The following SELENOI variants were observed in gnomAD, a reference collection of about 807,000 sequenced individuals.
SELENOI encodes the protein ethanolaminephosphotransferase 1.
SELENOI carries 24 observed loss-of-function variants against 50.7 expected under a neutral mutation model. The ratio of observed to expected loss-of-function variants is 0.47; its 90% CI spans 0.34 to 0.67. The LOEUF is 0.67. SELENOI is among the 30% of genes least tolerant of loss of function. SELENOI has a pLI of 0.01. For missense variants in SELENOI, 352 were observed against 461.4 expected, an observed-to-expected ratio of 0.76 and a Z score of 2.17; for synonymous variants, 155 against 170.2, an observed-to-expected ratio of 0.91 and a Z score of 0.70.
At chr2:26,350,278 G>A (rs987932754) in intron 1 of SELENOI, among the ~76,000 whole-genome samples, 2 of 152,104 alleles carry the variant, frequency 1.3e-5, no homozygotes, top group Non-Finnish European at 2.9e-5. Flanking sequence ...GATTGTGTTT[G>A]CATCTTAATG....
intron 6 of SELENOI, among the ~76,000 whole-genome samples, chr2:26,379,927 G>A (rs1331298868): frequency 6.6e-6 from 1 of 152,126 alleles, no homozygotes; most frequent in Non-Finnish European, 1.5e-5. Flanking sequence ...TCCGAATACA[G>A]TACCTAAATC....
At chr2:26,354,456 G>A (rs762304706) in intron 1 of SELENOI, among the ~76,000 whole-genome samples, 10 of 151,980 alleles carry the variant, frequency 6.6e-5, no homozygotes, top group Non-Finnish European at 1.3e-4. Context: ...GTGCGATCTC[G>A]GCTCACTGCA....
At chr2:26,354,348 A>C (rs2147944614) in intron 1 of SELENOI, among the ~76,000 whole-genome samples, 1 of 152,230 alleles carries the variant, frequency 6.6e-6, no homozygotes. Context: ...GTGAAATATA[A>C]ACTCTGCCTT....
chr2:26,346,273 G>C lies in SELENOI; in HGVS notation c.41G>C (p.Gly14Ala). 6.2e-7 allele frequency: 1 copy of C among 1,613,546 alleles called. No homozygotes were observed. The highest frequency in any genetic ancestry group is 8.5e-7 in the Non-Finnish European group (1 of 1,179,578). ...YEYVSPEQLAGFDKYKYSAVD... is the reference protein window; with the variant it reads ...YEYVSPEQLAAFDKYKYSAVD... Reference sequence around the variant, plus strand: ...TACGTGAGCCCGGAGCAGCTGGCTGGCTTTGATAAGTACAAGGTACCGCGG... The same window carrying C: ...TACGTGAGCCCGGAGCAGCTGGCTGCCTTTGATAAGTACAAGGTACCGCGG... The change falls in exon 1 of 10, where the codon GGC (glycine) becomes GCC (alanine). Residue 14 changes from glycine to alanine, a missense_variant. Coordinates refer to ENST00000260585, the MANE Select transcript of SELENOI (RefSeq NM_033505.4).
At chr2:26,361,175 C>T (rs544697861) in intron 1 of SELENOI, among the ~76,000 whole-genome samples, 5 of 152,302 alleles carry the variant, frequency 3.3e-5, no homozygotes, top group African/African-American at 7.2e-5. Flanking sequence ...GATCGCGCCA[C>T]TGCACTCCAG....
intron 7 of SELENOI, 45 bp from the exon 8 acceptor site, chr2:26,384,914 T>C (rs1233463522): frequency 7.1e-7 from 1 of 1,406,726 alleles, no homozygotes; most frequent in Non-Finnish European, 9.8e-7. Flanking sequence ...ACTGTACAAT[T>C]TATATGTAAT....
intron 5 of SELENOI, among the ~76,000 whole-genome samples, chr2:26,374,813 G>A (rs1677532059): frequency 6.6e-6 from 1 of 151,998 alleles, no homozygotes; most frequent in African/African-American, 2.4e-5. Context: ...CAGGTGATCT[G>A]CCCGTCTTGG....
At chr2:26,373,265 G>C (rs1270100248) in intron 4 of SELENOI, 102 bp from the exon 5 acceptor site, 10 of 1,357,704 alleles carry the variant, frequency 7.4e-6, no homozygotes, top group Non-Finnish European at 1.0e-5. Flanking sequence ...ACATTCCTGT[G>C]ATAAGCTGAT....
intron 3 of SELENOI, among the ~76,000 whole-genome samples, chr2:26,366,089 C>T (rs1003638712): frequency 4.6e-5 from 7 of 152,160 alleles, no homozygotes; most frequent in Non-Finnish European, 8.8e-5. Flanking sequence ...GTGTGAGCCA[C>T]TGCACCTGGC....
At chr2:26,374,372 G>A (rs943893853) in intron 5 of SELENOI, among the ~76,000 whole-genome samples, 3 of 151,950 alleles carry the variant, frequency 2.0e-5, no homozygotes, top group Admixed American at 2.0e-4. Flanking sequence ...TTGCCATTTT[G>A]CCCATTTGCA....
At position 26,379,701 on chromosome 2, in the gene SELENOI, T is replaced by TCA. The variant is rs1677643785; in HGVS notation, c.683-3597_683-3596dup. On this transcript the variant is annotated intron_variant, in intron 6 of 9. Coordinates refer to ENST00000260585, the MANE Select transcript of SELENOI (RefSeq NM_033505.4). ...ACATTGATTAACATGGCTTAGGAAT[T>TCA]CATTCATTCAGTGGATAGGTAAGGA... Among the ~76,000 whole-genome samples, 3 of 152,202 alleles carry TCA rather than the reference T, an allele frequency of 2.0e-5. No individual in the cohort carries two copies. The South Asian group carries it at 6.2e-4, about 32-fold the overall frequency.
Position 26,367,236 on chromosome 2 carries a change from ATACT to A in SELENOI, c.310+21_310+24del, listed in dbSNP as rs1291975158. ...TACACTCTAGGTAAGGAATTGGTAA[ATACT>A]TACTATAGTCAGTGACTGGTGAATC... On this transcript the variant is annotated intron_variant, in intron 4 of 9. Transcript: ENST00000260585. 7 of 1,587,292 alleles carry A rather than the reference ATACT, an allele frequency of 4.4e-6. No homozygotes were observed. Among genetic ancestry groups the A allele is most frequent in the Non-Finnish European group, 6.0e-6 (7 of 1,162,404 alleles).
chr2:26,346,311 C>G (rs765049154), intron 1 of SELENOI, 22 bp downstream of exon 1: 1 of 1,601,268 alleles, frequency 6.2e-7, no homozygotes, highest in East Asian at 2.3e-5. Flanking sequence ...CGGCGGATGC[C>G]CCTCTCCCTG....
chr2:26,378,829 A>G (rs2147958973), intron 6 of SELENOI, among the ~76,000 whole-genome samples: 1 of 152,300 alleles, frequency 6.6e-6, no homozygotes, highest in East Asian at 1.9e-4. Context: ...AGATTATTTT[A>G]AAGCAAATCC....
At chr2:26,355,889 C>T (rs536937073) in intron 1 of SELENOI, among the ~76,000 whole-genome samples, 1 of 151,714 alleles carries the variant, frequency 6.6e-6, no homozygotes, top group South Asian at 2.1e-4. Flanking sequence ...TACAGTCATA[C>T]GCCACCACAC....
At chr2:26,368,404 C>T (rs1371038861) in intron 4 of SELENOI, among the ~76,000 whole-genome samples, 2 of 152,188 alleles carry the variant, frequency 1.3e-5, no homozygotes, top group African/African-American at 2.4e-5. Context: ...GACAACACGC[C>T]GTAAGATCCT....
In SELENOI at chr2:26,389,024, A is replaced by G. The variant is rs1201889851; in HGVS notation, c.1115A>G (p.His372Arg). The G allele has an allele frequency of 1.9e-6, 3 of 1,588,258 alleles. No homozygotes were observed. Among genetic ancestry groups the G allele is most frequent in the Non-Finnish European group, 2.6e-6 (3 of 1,165,910 alleles). ...TCATAGGTAAAGCAGCTGAGCAGCC[A>G]TTTTCAGATTTACCCCTTCTCATTG... ...GVRVVKQLSS[H>R]FQIYPFSLRK... The change falls in exon 10 of 10, where the codon CAT becomes CGT. Residue 372 changes from histidine (H) to arginine (R), a missense_variant. Physicochemically the swap from His to Arg is conservative, Grantham distance 29. Transcript: ENST00000260585.
intron 1 of SELENOI, among the ~76,000 whole-genome samples, chr2:26,356,504 A>G (rs750791240): frequency 6.6e-6 from 1 of 152,188 alleles, no homozygotes; most frequent in African/African-American, 2.4e-5. Context: ...AGTTTTCCTT[A>G]TGTTAGAGCC....
At chr2:26,381,954 T>C (rs1677715120) in intron 6 of SELENOI, among the ~76,000 whole-genome samples, 1 of 152,226 alleles carries the variant, frequency 6.6e-6, no homozygotes. Context: ...CTGGGGCTAA[T>C]ATGTTGCATG....
Sources: gnomAD v4.1 joint callset for allele counts (sites outside exome capture counted in the v4.1 genomes callset) on GRCh38, gnomAD v4.1.1 for gene constraint, MANE v1.5 for transcripts, NCBI Gene and HGNC (gene_info 2026-07-23, HGNC 2026-07-21) for gene names.